CAMTA1: variants seen among roughly 807,000 people sequenced by gnomAD.
CAMTA1 encodes calmodulin binding transcription activator 1, also known as calmodulin-binding transcription activator 1.
In CAMTA1, 27 loss-of-function variants were observed where a neutral mutation model predicts 170.9. That is an observed-to-expected ratio of 0.16 (90% CI 0.12 to 0.22). The LOEUF (loss-of-function observed/expected upper bound fraction) is 0.22. CAMTA1 is among the 10% of genes least tolerant of loss of function. The pLI is 1.00. For missense variants in CAMTA1, 1,619 were observed against 2,217.2 expected (o/e 0.73, Z 5.42); for synonymous variants, 833 against 891.5 (o/e 0.93, Z 1.17).
At chr1:7,245,483 G>T (rs367859537) in intron 4 of CAMTA1, among the ~76,000 whole-genome samples, 1 of 151,496 alleles carries the variant, frequency 6.6e-6, no homozygotes, top group Non-Finnish European at 1.5e-5. Flanking sequence ...ATCTTTCTTG[G>T]CTAGATAATT....
chr1:6,859,516 G>A (rs540582268), intron 3 of CAMTA1, among the ~76,000 whole-genome samples: 48 of 152,216 alleles, frequency 3.2e-4, no homozygotes, highest in Non-Finnish European at 5.6e-4. Context: ...CAGGCCAGGT[G>A]CAGTGGCCAC....
intron 4 of CAMTA1, among the ~76,000 whole-genome samples, chr1:7,129,730 C>T (rs367900135): frequency 5.3e-5 from 8 of 152,158 alleles, no homozygotes; most frequent in East Asian, 1.9e-4. Context: ...ACCACTACCA[C>T]GATCAAGATA....
intron 3 of CAMTA1, among the ~76,000 whole-genome samples, chr1:7,042,338 G>A (rs932551511): frequency 6.6e-6 from 1 of 152,174 alleles, no homozygotes; most frequent in South Asian, 2.1e-4. Flanking sequence ...GGGCAGAAAC[G>A]CTGTTTCTTC....
At chr1:7,187,758 T>G (rs1336153969) in intron 4 of CAMTA1, among the ~76,000 whole-genome samples, 1 of 152,206 alleles carries the variant, frequency 6.6e-6, no homozygotes, top group Non-Finnish European at 1.5e-5. Context: ...TTACCCACCC[T>G]TTCCCCCTCC....
At chr1:6,787,523 T>C (rs1160430107) in intron 1 of CAMTA1, among the ~76,000 whole-genome samples, 1 of 152,254 alleles carries the variant, frequency 6.6e-6, no homozygotes, top group Admixed American at 6.5e-5. Flanking sequence ...ACATATACAG[T>C]GCACAGGAAG....
chr1:7,397,619 T>G (rs927201620), intron 5 of CAMTA1, among the ~76,000 whole-genome samples: 1 of 152,120 alleles, frequency 6.6e-6, no homozygotes, highest in African/African-American at 2.4e-5. Context: ...GAGATCTTTC[T>G]ACTTTTTTGA....
rs1390563154 is a variant in CAMTA1 at position 7,682,988 on chromosome 1, G to T, written c.2914+5255G>T. ...AGATCGAGCCCATCCTGGTTAACACGGTGAAACCCCGCCTCTACTAAAAAT... is the reference window on the plus strand; with the variant it reads ...AGATCGAGCCCATCCTGGTTAACACTGTGAAACCCCGCCTCTACTAAAAAT... On this transcript the variant is annotated intron_variant, in intron 11 of 22. Transcript: ENST00000303635. The surrounding 1 kb of genome is among the most constrained non-coding windows in gnomAD (Gnocchi z 5.0). 6.6e-6 allele frequency among the ~76,000 whole-genome samples: 1 copy of T among 152,118 alleles called. No individual in the cohort carries two copies. Among genetic ancestry groups the T allele is most frequent in the Non-Finnish European group, 1.5e-5 (1 of 67,990 alleles).
intron 7 of CAMTA1, among the ~76,000 whole-genome samples, chr1:7,656,223 C>G (rs542358622): frequency 1.3e-5 from 2 of 152,356 alleles, no homozygotes; most frequent in South Asian, 4.1e-4. Flanking sequence ...GTGCCACAGA[C>G]TGGCGGCTTA....
chr1:6,825,034 A>G, intron 2 of CAMTA1, 58 bp from the exon 3 acceptor site: 3 of 959,174 alleles, frequency 3.1e-6, no homozygotes, highest in Non-Finnish European at 4.8e-6. Context: ...TTGTCAGTGT[A>G]CTTTAAAGGA....
chr1:7,650,057 C>G (rs1459637973), intron 7 of CAMTA1, among the ~76,000 whole-genome samples: 1 of 152,216 alleles, frequency 6.6e-6, no homozygotes, highest in African/African-American at 2.4e-5. Flanking sequence ...GCACCTGAGT[C>G]CAGGAGGCCC....
intron 3 of CAMTA1, among the ~76,000 whole-genome samples, chr1:6,922,139 G>A (rs562414949): frequency 6.6e-6 from 1 of 152,210 alleles, no homozygotes; most frequent in Admixed American, 6.5e-5. Flanking sequence ...CACTATACCT[G>A]TTTTTTTAAC....
chr1:7,548,714 G>C (rs556715142), intron 6 of CAMTA1, among the ~76,000 whole-genome samples: 6 of 88,118 alleles, frequency 6.8e-5, no homozygotes, highest in Admixed American at 1.2e-4. Flanking sequence ...GGTGCCCATG[G>C]AGGGTGCCTC....
At chr1:6,988,884 G>C (rs951007658) in intron 3 of CAMTA1, among the ~76,000 whole-genome samples, 2 of 152,210 alleles carry the variant, frequency 1.3e-5, no homozygotes, top group Admixed American at 6.5e-5. Flanking sequence ...AGGGACTGGG[G>C]AGACCTGCTC....
intron 4 of CAMTA1, among the ~76,000 whole-genome samples, chr1:7,127,189 A>C: frequency 7.6e-6 from 1 of 132,420 alleles, no homozygotes; most frequent in South Asian, 2.7e-4. Flanking sequence ...GAATTCTCTG[A>C]TTGTTCAGCT....
chr1:7,622,123 T>C (rs1356850566), intron 6 of CAMTA1, among the ~76,000 whole-genome samples: 1 of 152,124 alleles, frequency 6.6e-6, no homozygotes, highest in Non-Finnish European at 1.5e-5. Flanking sequence ...CGGAGATTGG[T>C]TTTGCTCGTT....
chr1:7,037,669 C>G (rs898558512), intron 3 of CAMTA1, among the ~76,000 whole-genome samples: 8 of 151,998 alleles, frequency 5.3e-5, no homozygotes, highest in African/African-American at 1.9e-4. Context: ...GAAACCCTGT[C>G]TCTACTAAAA....
intron 3 of CAMTA1, among the ~76,000 whole-genome samples, chr1:7,032,235 G>C (rs772362109): frequency 3.9e-5 from 6 of 152,158 alleles, no homozygotes; most frequent in Non-Finnish European, 7.3e-5. Context: ...AGAGTGCTGG[G>C]ATTATAGGCG....
intron 18 of CAMTA1, among the ~76,000 whole-genome samples, chr1:7,747,115 A>G (rs1577380639): frequency 6.6e-6 from 1 of 152,244 alleles, no homozygotes; most frequent in African/African-American, 2.4e-5. Context: ...CCATGTCAAC[A>G]TACTGTTGGT....
intron 12 of CAMTA1, among the ~76,000 whole-genome samples, chr1:7,733,875 C>T (rs2096751445): frequency 6.6e-6 from 1 of 152,196 alleles, no homozygotes; most frequent in South Asian, 2.1e-4. Flanking sequence ...TTTCATATTG[C>T]TCCCCTGTCT....
Sources: gnomAD v4.1 joint callset for allele counts (sites outside exome capture counted in the v4.1 genomes callset) on GRCh38, gnomAD v4.1.1 for gene constraint, Gnocchi (gnomAD v3.1) non-coding constraint, MANE v1.5 for transcripts, NCBI Gene and HGNC (gene_info 2026-07-23, HGNC 2026-07-21) for gene names.